The following VEPH1 variants were observed in gnomAD, a reference collection of about 807,000 sequenced individuals.
VEPH1 encodes ventricular zone-expressed PH domain-containing protein homolog 1.
A neutral mutation model predicts 85.2 loss-of-function variants in VEPH1; 80 were observed. The ratio of observed to expected loss-of-function variants is 0.94; its 90% CI spans 0.78 to 1.13. VEPH1 has a LOEUF of 1.13. VEPH1 is among the 50% of genes most tolerant of loss of function. The pLI, the probability that VEPH1 is intolerant of heterozygous loss-of-function variation, is 0.00. For missense variants in VEPH1, 955 were observed against 980.5 expected (o/e 0.97, Z 0.35); for synonymous variants, 297 against 348.0 (o/e 0.85, Z 1.63).
chr3:157,388,279 G>A (rs951692837), intron 6 of VEPH1, among the ~76,000 whole-genome samples: 1 of 152,066 alleles, frequency 6.6e-6, no homozygotes, highest in African/African-American at 2.4e-5. Flanking sequence ...AACTGCCTGG[G>A]GGCGTATTTA....
intron 6 of VEPH1, among the ~76,000 whole-genome samples, chr3:157,395,953 T>C (rs1396278797): frequency 6.6e-6 from 1 of 152,204 alleles, no homozygotes; most frequent in Non-Finnish European, 1.5e-5. Flanking sequence ...TTTTAACTTC[T>C]GGGATACATG....
At chr3:157,478,480 A>C (rs1432807111) in intron 2 of VEPH1, among the ~76,000 whole-genome samples, 1 of 152,210 alleles carries the variant, frequency 6.6e-6, no homozygotes, top group Non-Finnish European at 1.5e-5. Context: ...TTATTAATAA[A>C]TGGCAATGAG....
intron 11 of VEPH1, among the ~76,000 whole-genome samples, chr3:157,303,483 G>A (rs974496384): frequency 3.3e-5 from 5 of 152,030 alleles, no homozygotes; most frequent in African/African-American, 1.2e-4. Flanking sequence ...TGATTATTTT[G>A]TCTCCTCCGT....
chr3:157,350,731 A>G (rs1356408954), intron 9 of VEPH1, among the ~76,000 whole-genome samples: 2 of 152,232 alleles, frequency 1.3e-5, no homozygotes, highest in Non-Finnish European at 2.9e-5. Context: ...GATATTTCTC[A>G]AAAGAAGACA....
At position 157,470,281 on chromosome 3, in the gene VEPH1, T is replaced by C. The variant is rs368221253; in HGVS notation, c.354+33A>G. The C allele has an allele frequency of 3.1e-5, 49 of 1,603,366 alleles. No homozygotes were observed. The African/African-American group carries it at 6.3e-4, about 21-fold the overall frequency. On this transcript the variant is annotated intron_variant, in intron 3 of 13. Transcript: ENST00000362010. The stretch of plus-strand genomic sequence containing the variant: ...AGGTTCACCTAGGCTGCCAACTCAG[T>C]ATCAAATAGCCTGATGTTGAACACT...
chr3:157,368,719 C>T (rs968512572), intron 7 of VEPH1, among the ~76,000 whole-genome samples: 1 of 152,058 alleles, frequency 6.6e-6, no homozygotes, highest in African/African-American at 2.4e-5. Flanking sequence ...TCTCAATCTC[C>T]TGACCTCGTG....
intron 6 of VEPH1, among the ~76,000 whole-genome samples, chr3:157,407,445 G>T (rs1157728766): frequency 6.6e-6 from 1 of 152,156 alleles, no homozygotes; most frequent in Non-Finnish European, 1.5e-5. Flanking sequence ...ACGAATGGTG[G>T]TCTGCGATAC....
chr3:157,392,619 T>TAAA (rs35235896), intron 6 of VEPH1, among the ~76,000 whole-genome samples: 64 of 151,020 alleles, frequency 4.2e-4, no homozygotes, highest in Admixed American at 1.4e-3. Context: ...GCTGATGATC[T>TAAA]AAAAAAAAAA....
chr3:157,260,234 G>A lies in VEPH1; in HGVS notation c.*900C>T, dbSNP rs948540092. 1 of 152,070 alleles carries A rather than the reference G, an allele frequency of 6.6e-6. No homozygotes were observed. Among genetic ancestry groups the A allele is most frequent in the Non-Finnish European group, 1.5e-5 (1 of 67,988 alleles). 9.4% of individuals were successfully genotyped at this position (152,070 alleles called of 1,614,324 possible). A position where few individuals can be genotyped will look rare whatever the true frequency, so the allele number is the denominator to read the frequency against. The stretch of plus-strand genomic sequence containing the variant: ...CAATGGGGGAGAGGATTATACCAAG[G>A]CATGGATTATTGAGAATCACTCTAG... On this transcript the variant is annotated 3_prime_UTR_variant, in exon 14 of 14. Transcript: ENST00000362010.
intron 10 of VEPH1, among the ~76,000 whole-genome samples, chr3:157,314,357 A>AAAAAAAAAAAAAAAAAAAG (rs1344240440): frequency 6.7e-6 from 1 of 148,176 alleles, no homozygotes; most frequent in Non-Finnish European, 1.5e-5. Context: ...AAAAAAAAAA[A>AAAAAAAAAAAAAAAAAAAG]AAAAAATTAA....
At chr3:157,477,110 G>C (rs1050414154) in intron 2 of VEPH1, among the ~76,000 whole-genome samples, 1 of 152,054 alleles carries the variant, frequency 6.6e-6, no homozygotes, top group Admixed American at 6.6e-5. Context: ...AAGTTCTGCA[G>C]GTCAGAAGTC....
intron 1 of VEPH1, among the ~76,000 whole-genome samples, chr3:157,498,360 G>A (rs1032972431): frequency 5.9e-5 from 9 of 152,208 alleles, no homozygotes; most frequent in East Asian, 3.8e-4. Flanking sequence ...GTGATAAAGT[G>A]TAAACGAGCC....
rs377432189 is a variant in VEPH1 at position 157,261,301 on chromosome 3, G to C, written c.2335C>G (p.Arg779Gly). Residue 779 changes from arginine to glycine, a missense_variant, in exon 14 of 14, where the codon CGC becomes GGC. Coordinates refer to ENST00000362010, the MANE Select transcript of VEPH1 (RefSeq NM_001167912.2). ...GCCCGGGGGAGAGAGCGGTCCCTGC[G>C]TTTCTTGGCCACAGCCTTCACACTC... ...VQSVKAVAKK[R>G]RDRSLPRAFE... The C allele has an allele frequency of 2.7e-5, 43 of 1,613,580 alleles. No individual in the cohort carries two copies. Among genetic ancestry groups the C allele is most frequent in the Non-Finnish European group, 3.6e-5 (42 of 1,179,758 alleles).
chr3:157,487,625 A>G (rs1738773059), intron 2 of VEPH1, among the ~76,000 whole-genome samples: 2 of 152,156 alleles, frequency 1.3e-5, no homozygotes, highest in South Asian at 4.1e-4. Context: ...GAAAAAGGAC[A>G]ATTAAAGACC....
At chr3:157,359,800 TG>T (rs1450066124) in intron 9 of VEPH1, among the ~76,000 whole-genome samples, 3 of 152,240 alleles carry the variant, frequency 2.0e-5, no homozygotes, top group Non-Finnish European at 4.4e-5. Flanking sequence ...AACAGTCTAA[TG>T]TCAGTTTTTT....
intron 12 of VEPH1, among the ~76,000 whole-genome samples, chr3:157,273,530 A>T (rs1326762704): frequency 6.6e-6 from 1 of 152,200 alleles, no homozygotes; most frequent in South Asian, 2.1e-4. Context: ...ATTGAGCCAA[A>T]AAAAGAAGTA....
chr3:157,440,007 C>T (rs1733997584), intron 4 of VEPH1, among the ~76,000 whole-genome samples: 1 of 152,172 alleles, frequency 6.6e-6, no homozygotes, highest in Non-Finnish European at 1.5e-5. Flanking sequence ...GCCTCAGCCT[C>T]CCAAAGTGCT....
intron 2 of VEPH1, among the ~76,000 whole-genome samples, chr3:157,478,267 A>T (rs138754915): frequency 6.6e-6 from 1 of 152,192 alleles, no homozygotes; most frequent in East Asian, 1.9e-4. Context: ...AGATTAGTTG[A>T]GGCCTTTTTT....
intron 9 of VEPH1, among the ~76,000 whole-genome samples, chr3:157,321,955 A>G (rs991458156): frequency 2.0e-5 from 3 of 152,204 alleles, no homozygotes; most frequent in African/African-American, 7.2e-5. Context: ...TTACCACTTT[A>G]TGGATAATAT....
Sources: allele counts gnomAD v4.1 joint callset (sites outside exome capture counted in the v4.1 genomes callset), GRCh38; gene constraint gnomAD v4.1.1; transcripts MANE v1.5; gene names NCBI Gene and HGNC (gene_info 2026-07-23, HGNC 2026-07-21).